Variants in QKI observed in about 807,000 individuals in gnomAD.
QKI encodes QKI, KH domain containing RNA binding.
In QKI, 10 loss-of-function variants were observed where a neutral mutation model predicts 39.0. That is an observed-to-expected ratio of 0.26 (90% CI 0.16 to 0.43). The LOEUF is 0.43. QKI is among the 20% of genes least tolerant of loss of function. The probability of loss-of-function intolerance (pLI) is 1.00; values close to 1 mark genes in which losing one functional copy is unlikely to be tolerated. For synonymous variants in QKI, 204 were observed against 155.4 expected (o/e 1.31, Z -2.33); for missense variants, 218 against 428.0 (o/e 0.51, Z 4.33).
Position 163,488,919 on chromosome 6 carries a change from C to T in QKI, c.402+10023C>T, listed in dbSNP as rs138816665. Among the ~76,000 whole-genome samples the T allele has an allele frequency of 1.1e-3, 171 of 151,408 alleles. 1 individual carries two copies. The East Asian group carries it at 0.022, about 19-fold the overall frequency. On this transcript the variant is annotated intron_variant, in intron 3 of 7. Coordinates refer to ENST00000361752, the MANE Select transcript of QKI (RefSeq NM_006775.3). ...AGGCCCATTTATTTACCTAGTCCTC[C>T]CTTGCTGTTTGGGTAGATTTTTTAT...
intron 2 of QKI, among the ~76,000 whole-genome samples, chr6:163,474,787 T>TTA (rs560022374): frequency 9.2e-6 from 1 of 108,640 alleles, no homozygotes; most frequent in South Asian, 3.2e-4. Flanking sequence ...ACAAAAAAGT[T>TTA]AAAAAAAAAA....
At chr6:163,564,497 G>A (rs1351952034) in intron 6 of QKI, 2 of 1,434,704 alleles carry the variant, frequency 1.4e-6, no homozygotes, top group Non-Finnish European at 1.8e-6. Flanking sequence ...AAACATGAGA[G>A]ATACTCTTAA....
At chr6:163,476,048 A>G (rs1283137011) in intron 2 of QKI, among the ~76,000 whole-genome samples, 1 of 152,190 alleles carries the variant, frequency 6.6e-6, no homozygotes, top group Admixed American at 6.5e-5. Flanking sequence ...AATGTCCTTC[A>G]AAAAATGCAT....
At chr6:163,451,924 TGCTAGGATAACATTCCCAGAA>T (rs1745958009) in intron 1 of QKI, among the ~76,000 whole-genome samples, 1 of 152,234 alleles carries the variant, frequency 6.6e-6, no homozygotes, top group South Asian at 2.1e-4. Context: ...TGTATCCTCC[TGCTAGGATAACATTCCCAGAA>T]GCTCTGATTG....
At chr6:163,530,092 A>C (rs773258846) in intron 3 of QKI, among the ~76,000 whole-genome samples, 1 of 152,178 alleles carries the variant, frequency 6.6e-6, no homozygotes, top group Non-Finnish European at 1.5e-5. Flanking sequence ...TATATTATGA[A>C]ATGATATTGC....
chr6:163,501,874 G>C (rs1778783309), intron 3 of QKI, among the ~76,000 whole-genome samples: 1 of 152,192 alleles, frequency 6.6e-6, no homozygotes, highest in Non-Finnish European at 1.5e-5. Flanking sequence ...GACATGAGGT[G>C]AAGAAAATTA....
intron 3 of QKI, among the ~76,000 whole-genome samples, chr6:163,492,196 A>G (rs1182466409): frequency 6.6e-6 from 1 of 152,186 alleles, no homozygotes; most frequent in African/African-American, 2.4e-5. Context: ...TTTCAGTCTA[A>G]TATATTAACA....
chr6:163,572,670 A>AACCC lies in QKI; in HGVS notation c.*1960_*1961insACCC, dbSNP rs1783759511. ...CGTGGCAAATCTCAAGTGACAGTGG[A>AACCC]CCCCCCCCCCCGCCCAGCTTATCAA... On this transcript the variant is annotated 3_prime_UTR_variant, in exon 8 of 8. Transcript: ENST00000361752. 5.1e-5 allele frequency: 1 copy of AACCC among 19,626 alleles called. No homozygotes were observed. 1.2% of individuals were successfully genotyped at this position (19,626 alleles called of 1,614,324 possible). A position where few individuals can be genotyped will look rare whatever the true frequency, so the allele number is the denominator to read the frequency against.
intron 3 of QKI, among the ~76,000 whole-genome samples, chr6:163,494,665 TTTG>T (rs969865611): frequency 1.7e-4 from 10 of 57,568 alleles, no homozygotes; most frequent in African/African-American, 3.0e-4. Context: ...TTTTTTTGTT[TTTG>T]TTGTTGTTGT....
chr6:163,480,438 C>T (rs138022932), intron 3 of QKI, among the ~76,000 whole-genome samples: 9 of 152,280 alleles, frequency 5.9e-5, no homozygotes, highest in Admixed American at 4.6e-4. Flanking sequence ...TTTCTGAGCC[C>T]TCCGCCTCAT....
At chr6:163,493,130 A>G (rs1428630495) in intron 3 of QKI, among the ~76,000 whole-genome samples, 11 of 114,040 alleles carry the variant, frequency 9.6e-5, no homozygotes, top group South Asian at 6.8e-4. Context: ...GTCATCTACA[A>G]TACTTTTTTT....
chr6:163,485,583 A>G (rs1182155441), intron 3 of QKI, among the ~76,000 whole-genome samples: 3 of 151,762 alleles, frequency 2.0e-5, no homozygotes, highest in Admixed American at 2.0e-4. Flanking sequence ...CTCCCTTCTC[A>G]TAAACAAGAG....
chr6:163,568,490 C>T (rs138947304), intron 7 of QKI: 7 of 985,450 alleles, frequency 7.1e-6, no homozygotes, highest in East Asian at 1.1e-4. Flanking sequence ...GTCAGCAAAC[C>T]GAAATGCTCA....
intron 4 of QKI, among the ~76,000 whole-genome samples, chr6:163,538,710 A>G (rs370785844): frequency 6.6e-6 from 1 of 152,216 alleles, no homozygotes; most frequent in Non-Finnish European, 1.5e-5. Context: ...AGAGATTCCA[A>G]TAAGGAAGTC....
intron 1 of QKI, among the ~76,000 whole-genome samples, chr6:163,437,478 G>T (rs1789402553): frequency 6.6e-6 from 1 of 152,088 alleles, no homozygotes; most frequent in African/African-American, 2.4e-5. Context: ...AGTTTTTCTT[G>T]TTATGTGCTT....
chr6:163,462,746 A>G (rs1179710860), intron 2 of QKI, among the ~76,000 whole-genome samples: 2 of 152,228 alleles, frequency 1.3e-5, no homozygotes, highest in Non-Finnish European at 2.9e-5. Flanking sequence ...ACACAGGAAT[A>G]TGAAAAGATG....
At chr6:163,415,361 C>T (rs1324183444) in intron 1 of QKI, 26 bp downstream of exon 1, 3 of 1,535,892 alleles carry the variant, frequency 2.0e-6, no homozygotes, top group Non-Finnish European at 2.7e-6. Flanking sequence ...GCCCCGGCCC[C>T]GGCCCGACCC....
intron 4 of QKI, among the ~76,000 whole-genome samples, chr6:163,555,173 T>C (rs1782505929): frequency 6.6e-6 from 1 of 152,210 alleles, no homozygotes; most frequent in Admixed American, 6.5e-5. Context: ...GAAAACTAAT[T>C]CATTTTTTAA....
chr6:163,471,402 C>T (rs940688683), intron 2 of QKI, among the ~76,000 whole-genome samples: 82 of 151,958 alleles, frequency 5.4e-4, no homozygotes, highest in African/African-American at 1.8e-3. Flanking sequence ...TAAAGAGCAA[C>T]AAAAATGGTA....
Sources: gnomAD v4.1 joint callset for allele counts (sites outside exome capture counted in the v4.1 genomes callset) on GRCh38, gnomAD v4.1.1 for gene constraint, MANE v1.5 for transcripts, NCBI Gene and HGNC (gene_info 2026-07-23, HGNC 2026-07-21) for gene names.